Variants in DCAF1 observed in about 807,000 individuals in gnomAD.
DCAF1 encodes the protein DDB1- and CUL4-associated factor 1.
Under a neutral mutation model 128.0 loss-of-function variants are expected in DCAF1, and 15 were observed. That is an observed-to-expected ratio of 0.12 (90% CI 0.08 to 0.18). The LOEUF is 0.18. Ranked by LOEUF, DCAF1 falls within the 10% of genes least tolerant of loss-of-function variation. The probability of loss-of-function intolerance (pLI) is 1.00; values close to 1 mark genes in which losing one functional copy is unlikely to be tolerated. For missense variants in DCAF1, 988 were observed against 1,649.5 expected (o/e 0.60, Z 6.95); for synonymous variants, 610 against 603.0 (o/e 1.01, Z -0.17).
At chr3:51,443,589 C>CAA (rs369157750) in intron 7 of DCAF1, among the ~76,000 whole-genome samples, 177 bp downstream of exon 7, 9 of 118,444 alleles carry the variant, frequency 7.6e-5, no homozygotes, top group Non-Finnish European at 1.1e-4. Flanking sequence ...GACTCCGTCT[C>CAA]AAAAAAAAAA....
At chr3:51,482,470 G>C (rs1706324335) in intron 3 of DCAF1, among the ~76,000 whole-genome samples, 2 of 149,984 alleles carry the variant, frequency 1.3e-5, no homozygotes, top group South Asian at 4.2e-4. Flanking sequence ...GCCAGGTAAA[G>C]ATATATTCAC....
chr3:51,423,613 T>C (rs1699631077), intron 13 of DCAF1, among the ~76,000 whole-genome samples: 1 of 150,916 alleles, frequency 6.6e-6, no homozygotes. Flanking sequence ...AGGTCAGGAA[T>C]TCAAGACCAG....
rs375302655 is a variant in DCAF1 at position 51,420,165 on chromosome 3, G to T, written c.2805C>A (p.Pro935=). The change falls in exon 15 of 25, where the codon CCC becomes CCA. Residue 935 remains proline, a synonymous_variant. Transcript: ENST00000684031. The surrounding 1 kb of genome is among the most constrained non-coding windows in gnomAD (Gnocchi z 6.5). The part of the protein sequence containing the change: ...SAPTAHPQPR[P]PQGPLALPGP... ...CGGGCAGAGCTAGCGGACCCTGGGG[G>T]GGCCGTGGCTGAGGATGAGCAGTAG... 6.2e-7 allele frequency: 1 copy of T among 1,614,042 alleles called. No individual in the cohort carries two copies. The highest frequency in any genetic ancestry group is 8.5e-7 in the Non-Finnish European group (1 of 1,179,898).
chr3:51,456,063 G>A (rs1249665334), intron 6 of DCAF1, among the ~76,000 whole-genome samples: 2 of 152,224 alleles, frequency 1.3e-5, no homozygotes, highest in Non-Finnish European at 2.9e-5. Context: ...GTAGGTGCAG[G>A]ACAGTGGGTG....
At chr3:51,494,300 C>A (rs1189203254) in intron 2 of DCAF1, among the ~76,000 whole-genome samples, 1 of 151,744 alleles carries the variant, frequency 6.6e-6, no homozygotes, top group Admixed American at 6.6e-5. Context: ...ATTTGTAGTA[C>A]AGACGGGGTT....
rs782592421 is a variant in DCAF1, at chr3:51,429,384, T to C, written c.1554A>G (p.Lys518=). 2.6e-6 allele frequency: 2 copies of C among 780,900 alleles called. No homozygotes were observed. Among genetic ancestry groups the C allele is most frequent in the Non-Finnish European group, 4.8e-6 (2 of 417,982 alleles). The allele number at this position is 780,900 out of a possible 1,614,324, so 48.4% of individuals were successfully genotyped here. The change falls in exon 12 of 25, where the codon AAA becomes AAG. Residue 518 remains lysine, a synonymous_variant. Transcript: ENST00000684031. ...ATTTGCGCAAGGCCATGCAGGTATGTTTCCCAGTTTGGCGGCTAGCAAATA... is the reference window on the plus strand; with the variant it reads ...ATTTGCGCAAGGCCATGCAGGTATGCTTCCCAGTTTGGCGGCTAGCAAATA... ...DEIFASRQTG[K]HTCMALRKYF...
chr3:51,418,982 G>T, intron 15 of DCAF1, 106 bp from the exon 16 acceptor site: 1 of 1,406,160 alleles, frequency 7.1e-7, no homozygotes, highest in Non-Finnish European at 9.3e-7. Flanking sequence ...GTTTCAAATG[G>T]CTTCTTCCAA....
chr3:51,493,697 A>G (rs1707919557), intron 2 of DCAF1, among the ~76,000 whole-genome samples: 1 of 151,880 alleles, frequency 6.6e-6, no homozygotes, highest in Non-Finnish European at 1.5e-5. Context: ...GTATGATTCT[A>G]TTTATATAAA....
In DCAF1 at chr3:51,420,113, A is replaced by T; in HGVS notation, c.2857T>A (p.Leu953Met). The T allele has an allele frequency of 6.2e-7, 1 of 1,614,024 alleles. No homozygotes were observed. The highest frequency in any genetic ancestry group is 8.5e-7 in the Non-Finnish European group (1 of 1,179,894). ...PGPSYAGNSPLIGRISFIRER... is the reference protein window; with the variant it reads ...PGPSYAGNSPMIGRISFIRER... ...CTGATAAAACTGATTCTACCAATCAAAGGGGAGTTGCCTGCATAAGATGGG... is the reference window on the plus strand; with the variant it reads ...CTGATAAAACTGATTCTACCAATCATAGGGGAGTTGCCTGCATAAGATGGG... Residue 953 changes from leucine (L) to methionine (M), a missense_variant, in exon 15 of 25, where the codon TTG (leucine) becomes ATG (methionine). Leu to Met is a conservative substitution (Grantham distance 15). Around this residue, in one of 11 missense-constraint regions of DCAF1, gnomAD observed 88 missense variants for 107.7 expected, o/e 0.82. Coordinates refer to ENST00000684031, the MANE Select transcript of DCAF1 (RefSeq NM_001387579.1). This position sits in a 1 kb window ranked among gnomAD's most constrained non-coding sequence, Gnocchi z 6.5.
intron 14 of DCAF1, among the ~76,000 whole-genome samples, chr3:51,422,001 G>A (rs1007411994): frequency 3.3e-5 from 5 of 152,016 alleles, no homozygotes; most frequent in African/African-American, 1.2e-4. Context: ...GAGCTTTTCA[G>A]GAAAGCTATA....
chr3:51,491,667 T>C (rs977466394), intron 2 of DCAF1, among the ~76,000 whole-genome samples: 12 of 152,176 alleles, frequency 7.9e-5, no homozygotes, highest in African/African-American at 2.9e-4. Flanking sequence ...GCCAACATTG[T>C]GAAACCCCAT....
chr3:51,476,508 G>A (rs1293058982), intron 3 of DCAF1, among the ~76,000 whole-genome samples: 4 of 137,658 alleles, frequency 2.9e-5, no homozygotes, highest in Non-Finnish European at 4.5e-5. Flanking sequence ...ACTTGATCTC[G>A]ATAATGGTCT....
intron 2 of DCAF1, among the ~76,000 whole-genome samples, chr3:51,488,950 G>T (rs1707303206): frequency 6.6e-6 from 1 of 152,200 alleles, no homozygotes; most frequent in African/African-American, 2.4e-5. Context: ...GCGCGACAGG[G>T]CGAGACTCCG....
chr3:51,481,519 C>T (rs1397324522), intron 3 of DCAF1, among the ~76,000 whole-genome samples: 3 of 151,672 alleles, frequency 2.0e-5, no homozygotes, highest in Non-Finnish European at 4.4e-5. Context: ...TGGCAAAACC[C>T]TATCTCTACT....
At chr3:51,457,090 A>C (rs1184700749) in intron 6 of DCAF1, among the ~76,000 whole-genome samples, 4 of 152,238 alleles carry the variant, frequency 2.6e-5, no homozygotes, top group Admixed American at 1.3e-4. Flanking sequence ...TGAGAGAAGA[A>C]GGCTTCAGAT....
At chr3:51,501,172 G>T (rs1708789277), upstream of DCAF1, among the ~76,000 whole-genome samples, 1 of 152,154 alleles carries the variant, frequency 6.6e-6, no homozygotes, top group Non-Finnish European at 1.5e-5. Context: ...TTATTGCCAG[G>T]TTATTATACG....
rs1553631691 is a variant in DCAF1 at position 51,419,763 on chromosome 3, T to A, written c.3207A>T (p.Gly1069=). 6.2e-7 allele frequency: 1 copy of A among 1,613,136 alleles called. No individual in the cohort carries two copies. The highest frequency in any genetic ancestry group is 1.7e-5 in the Admixed American group (1 of 59,962). Residue 1069 remains glycine (G), a synonymous_variant, in exon 15 of 25, where the codon GGA becomes GGT. Transcript: ENST00000684031. The part of the protein sequence containing the change: ...SFPKYGGVDG[G]CFDRHLIFSR... ...TAAAGATAAGGTGCCTATCAAAGCATCCGCCATCCACCCCTCCATACTTTG... is the reference window on the plus strand; with the variant it reads ...TAAAGATAAGGTGCCTATCAAAGCAACCGCCATCCACCCCTCCATACTTTG...
At chr3:51,495,900 A>C (rs781980120) in intron 2 of DCAF1, among the ~76,000 whole-genome samples, 22 of 152,042 alleles carry the variant, frequency 1.4e-4, no homozygotes, top group Non-Finnish European at 2.6e-4. Flanking sequence ...AGGCTGAAGC[A>C]AGAGAACTGC....
At chr3:51,473,834 C>T (rs571729715) in intron 3 of DCAF1, among the ~76,000 whole-genome samples, 1 of 151,658 alleles carries the variant, frequency 6.6e-6, no homozygotes, top group South Asian at 2.1e-4. Context: ...GATGGAGTCT[C>T]GCTCTGTCAC....
Sources: allele counts gnomAD v4.1 joint callset (sites outside exome capture counted in the v4.1 genomes callset), GRCh38; gene constraint gnomAD v4.1.1; regional missense constraint gnomAD v4.1.1; non-coding constraint Gnocchi (gnomAD v3.1); transcripts MANE v1.5; gene names NCBI Gene and HGNC (gene_info 2026-07-23, HGNC 2026-07-21).